The following JMJD1C variants were observed in gnomAD, a reference collection of about 807,000 sequenced individuals.
The protein encoded by JMJD1C is jumonji domain containing 1C, also known as jumonji domain-containing protein 1C.
JMJD1C carries 31 observed loss-of-function variants against 245.3 expected under a neutral mutation model. The observed-to-expected ratio is 0.13, with a 90% CI of 0.09 to 0.17. The LOEUF (loss-of-function observed/expected upper bound fraction) is 0.17, where lower values mean the gene tolerates loss of function less well. JMJD1C is among the 10% of genes least tolerant of loss of function. JMJD1C has a pLI of 1.00. For synonymous variants in JMJD1C, 1,057 were observed against 1,017.4 expected, an observed-to-expected ratio of 1.04 and a Z score of -0.74; for missense variants, 2,691 against 3,000.2, an observed-to-expected ratio of 0.90 and a Z score of 2.41.
Position 63,255,753 on chromosome 10 carries a change from A to T in JMJD1C, c.447+8898T>A, listed in dbSNP as rs181517386. Among the ~76,000 whole-genome samples, 3 of 152,164 alleles carry T rather than the reference A, an allele frequency of 2.0e-5. No homozygotes were observed. The East Asian group carries it at 5.8e-4, about 29-fold the overall frequency. On this transcript the variant is annotated intron_variant, in intron 3 of 25. Coordinates refer to ENST00000399262, the MANE Select transcript of JMJD1C (RefSeq NM_032776.3). ...TACACAAAATAAGAGAATACAATCT[A>T]TTTTCCTCATAAAGCTAACATTGGA...
At chr10:63,173,662 C>T in intron 24 of JMJD1C, among the ~76,000 whole-genome samples, 1 of 151,904 alleles carries the variant, frequency 6.6e-6, no homozygotes, top group East Asian at 1.9e-4. Context: ...TTTGAGATTA[C>T]AGTGAGCTAT....
chr10:63,361,584 C>G (rs1461656469), intron 2 of JMJD1C, among the ~76,000 whole-genome samples: 1 of 151,712 alleles, frequency 6.6e-6, no homozygotes, highest in Admixed American at 6.6e-5. Context: ...AATTAAAAAT[C>G]AGCTTCCTCT....
rs1376473633 is a variant in JMJD1C at position 63,215,647 on chromosome 10, A to G, written c.728T>C (p.Leu243Pro). Residue 243 changes from leucine (L) to proline (P), a missense_variant, in exon 6 of 26, where the codon CTA becomes CCA. Coordinates refer to ENST00000399262, the MANE Select transcript of JMJD1C (RefSeq NM_032776.3). ...TAACAAAGAGTGAACAACATCATCT[A>G]GAAAGGTCATTTGAACCATAGAAGG... Reference protein sequence around the residue: ...VDPSMVQMTFLDDVVHSLLKG... With the variant: ...VDPSMVQMTFPDDVVHSLLKG... 6.2e-7 allele frequency: 1 copy of G among 1,607,874 alleles called. No homozygotes were observed. The highest frequency in any genetic ancestry group is 8.5e-7 in the Non-Finnish European group (1 of 1,174,778).
At chr10:63,458,852 G>A (rs1257835889) in intron 1 of JMJD1C, among the ~76,000 whole-genome samples, 1 of 151,786 alleles carries the variant, frequency 6.6e-6, no homozygotes, top group African/African-American at 2.4e-5. Flanking sequence ...GTACCCAAAG[G>A]AGCTGGGACC....
At chr10:63,419,834 T>TTA (rs773860683) in intron 1 of JMJD1C, among the ~76,000 whole-genome samples, 5 of 114,504 alleles carry the variant, frequency 4.4e-5, no homozygotes, top group South Asian at 3.2e-4. Context: ...CTCCATGAAA[T>TTA]AAAAAAAAAA....
At chr10:63,513,782 G>A (rs927080379) in intron 1 of JMJD1C, among the ~76,000 whole-genome samples, 15 of 152,172 alleles carry the variant, frequency 9.9e-5, no homozygotes, top group East Asian at 1.9e-4. Context: ...GCGTGTTGGC[G>A]GGAGCCTGTA....
intron 1 of JMJD1C, among the ~76,000 whole-genome samples, chr10:63,413,033 A>G (rs1949578840): frequency 8.2e-6 from 1 of 122,598 alleles, no homozygotes; most frequent in South Asian, 3.1e-4. Flanking sequence ...AAAATAGAGT[A>G]TATCAAAACA....
At chr10:63,444,217 T>C (rs1951557055) in intron 1 of JMJD1C, among the ~76,000 whole-genome samples, 1 of 152,196 alleles carries the variant, frequency 6.6e-6, no homozygotes, top group African/African-American at 2.4e-5. Context: ...TAAAAAGTGA[T>C]GCATCTCAAA....
At chr10:63,304,231 A>G (rs928798242) in intron 2 of JMJD1C, among the ~76,000 whole-genome samples, 8 of 152,220 alleles carry the variant, frequency 5.3e-5, no homozygotes, top group African/African-American at 1.9e-4. Flanking sequence ...TATGAATTAT[A>G]GTTGGTTACT....
chr10:63,509,232 T>A (rs1223758827), intron 1 of JMJD1C, among the ~76,000 whole-genome samples: 1 of 152,250 alleles, frequency 6.6e-6, no homozygotes, highest in African/African-American at 2.4e-5. Context: ...TTACACTAAC[T>A]GATTATCCAA....
intron 1 of JMJD1C, among the ~76,000 whole-genome samples, chr10:63,403,476 C>G (rs150927484): frequency 2.6e-5 from 4 of 152,272 alleles, no homozygotes; most frequent in Non-Finnish European, 4.4e-5. Context: ...AGACATTGAA[C>G]ACAATGTCTT....
intron 1 of JMJD1C, among the ~76,000 whole-genome samples, chr10:63,395,012 C>A (rs995641564): frequency 6.6e-6 from 1 of 151,972 alleles, no homozygotes; most frequent in Non-Finnish European, 1.5e-5. Flanking sequence ...ACTTTTGAAA[C>A]TCAATAAAAG....
chr10:63,171,988 T>C (rs1321712373), intron 24 of JMJD1C, among the ~76,000 whole-genome samples: 1 of 152,222 alleles, frequency 6.6e-6, no homozygotes, highest in Non-Finnish European at 1.5e-5. Context: ...ACGGACAACA[T>C]CCTTTCAACA....
intron 1 of JMJD1C, among the ~76,000 whole-genome samples, chr10:63,494,720 T>C (rs1285478505): frequency 6.6e-6 from 1 of 152,206 alleles, no homozygotes; most frequent in Non-Finnish European, 1.5e-5. Context: ...CTTGCAGTAT[T>C]GTTATTGTAT....
At chr10:63,251,621 G>A (rs1158077699) in intron 3 of JMJD1C, among the ~76,000 whole-genome samples, 3 of 152,170 alleles carry the variant, frequency 2.0e-5, no homozygotes, top group Admixed American at 2.0e-4. Context: ...GGAGGAAGCA[G>A]AACTATTATA....
intron 1 of JMJD1C, chr10:63,382,958 T>C (rs1278752731): frequency 4.9e-6 from 2 of 412,020 alleles, no homozygotes; most frequent in East Asian, 7.1e-5. Context: ...TATTAGTATA[T>C]AAGCAAATAC....
intron 2 of JMJD1C, among the ~76,000 whole-genome samples, chr10:63,352,637 CAAAA>C (rs145589142): frequency 8.3e-5 from 8 of 96,772 alleles, no homozygotes; most frequent in Non-Finnish European, 1.4e-4. Flanking sequence ...GACTCTGTCT[CAAAA>C]AAAAAAAAAA....
At chr10:63,172,318 T>C (rs1162610769) in intron 24 of JMJD1C, among the ~76,000 whole-genome samples, 2 of 152,224 alleles carry the variant, frequency 1.3e-5, no homozygotes, top group Non-Finnish European at 2.9e-5. Flanking sequence ...CTTTTGGAAG[T>C]AGCCAGAGAA....
chr10:63,440,862 A>C (rs1293840233), intron 1 of JMJD1C, among the ~76,000 whole-genome samples: 2 of 152,178 alleles, frequency 1.3e-5, no homozygotes, highest in East Asian at 3.8e-4. Flanking sequence ...TTCATATAAC[A>C]ACCCTTTTAG....
Sources: allele counts gnomAD v4.1 joint callset (sites outside exome capture counted in the v4.1 genomes callset), GRCh38; gene constraint gnomAD v4.1.1; transcripts MANE v1.5; gene names NCBI Gene and HGNC (gene_info 2026-07-23, HGNC 2026-07-21).